Variants in PRIM2 observed in about 807,000 individuals in gnomAD.
PRIM2 encodes DNA primase large subunit.
In PRIM2, 39 loss-of-function variants were observed where a neutral mutation model predicts 67.3. The observed-to-expected ratio is 0.58, with a 90% confidence interval of 0.45 to 0.76. PRIM2 has a LOEUF of 0.76. Ranked by LOEUF, PRIM2 falls within the 30% of genes least tolerant of loss-of-function variation. The pLI is 0.00. For missense variants in PRIM2, 398 were observed against 598.7 expected, an observed-to-expected ratio of 0.66 and a Z score of 3.50; for synonymous variants, 143 against 198.7, an observed-to-expected ratio of 0.72 and a Z score of 2.36.
chr6:57,337,853 A>T (rs554692512), intron 5 of PRIM2, among the ~76,000 whole-genome samples: 2 of 152,346 alleles, frequency 1.3e-5, no homozygotes, highest in South Asian at 2.1e-4. Flanking sequence ...GAAATAACTA[A>T]CATCAGAGCA....
the PRIM2 span, among the ~76,000 whole-genome samples, chr6:57,277,638 A>C: frequency 6.6e-6 from 1 of 152,050 alleles, no homozygotes. Context: ...AGTTGATTTC[A>C]GAGAACCACG....
chr6:57,509,725 A>G (rs1201747951), intron 8 of PRIM2, among the ~76,000 whole-genome samples: 2 of 151,634 alleles, frequency 1.3e-5, no homozygotes, highest in African/African-American at 2.4e-5. Context: ...CGGCCTTACA[A>G]ATATTTTTCC....
At chr6:57,525,637 G>A (rs1774734636) in intron 8 of PRIM2, among the ~76,000 whole-genome samples, 1 of 152,178 alleles carries the variant, frequency 6.6e-6, no homozygotes, top group South Asian at 2.1e-4. Context: ...CTAGGATCCT[G>A]TAGTCTGTGT....
the PRIM2 span, among the ~76,000 whole-genome samples, chr6:57,276,996 G>C: frequency 6.6e-6 from 1 of 151,950 alleles, no homozygotes; most frequent in South Asian, 2.1e-4. Context: ...AGGAGGAAGA[G>C]GAAGAGGAGA....
chr6:57,555,308 C>T (rs1394138868), intron 10 of PRIM2, among the ~76,000 whole-genome samples: 29 of 152,040 alleles, frequency 1.9e-4, no homozygotes, highest in Non-Finnish European at 3.7e-4. Flanking sequence ...GAGACAGAGT[C>T]TTGCTCTGTC....
chr6:57,474,275 A>G (rs1437840694), intron 7 of PRIM2, among the ~76,000 whole-genome samples: 2 of 116,116 alleles, frequency 1.7e-5, no homozygotes, highest in Non-Finnish European at 3.2e-5. Context: ...CCCGGGGTTC[A>G]TGCCATTCTC....
chr6:57,271,702 T>C, the PRIM2 span, among the ~76,000 whole-genome samples: 1 of 152,214 alleles, frequency 6.6e-6, no homozygotes, highest in East Asian at 1.9e-4. Context: ...CTTCTCTAGT[T>C]CTTTTAATTG....
intron 7 of PRIM2, among the ~76,000 whole-genome samples, chr6:57,459,836 A>G (rs1415133668): frequency 6.6e-6 from 1 of 152,144 alleles, no homozygotes; most frequent in African/African-American, 2.4e-5. Context: ...AATCATCTCT[A>G]CAAAACCTTC....
At chr6:57,498,786 C>T (rs1774064874) in intron 7 of PRIM2, among the ~76,000 whole-genome samples, 1 of 152,132 alleles carries the variant, frequency 6.6e-6, no homozygotes, top group South Asian at 2.1e-4. Context: ...TGAAGCCACC[C>T]TCTTGTTCTT....
chr6:57,248,432 A>C, the PRIM2 span, among the ~76,000 whole-genome samples: 1 of 152,216 alleles, frequency 6.6e-6, no homozygotes, highest in Admixed American at 6.5e-5. Flanking sequence ...TGTTTCGAAC[A>C]AATAATTGAA....
chr6:57,250,511 G>A, the PRIM2 span, among the ~76,000 whole-genome samples: 2 of 152,212 alleles, frequency 1.3e-5, no homozygotes, highest in Admixed American at 6.5e-5. Context: ...AAGAAAAATC[G>A]GGGGGTATGA....
intron 5 of PRIM2, among the ~76,000 whole-genome samples, chr6:57,356,954 C>G (rs72870479): frequency 3.4e-5 from 4 of 119,182 alleles, no homozygotes; most frequent in Admixed American, 1.0e-4. Context: ...TTTTTTTTGA[C>G]ACGGAGTCTT....
chr6:57,298,141 C>T, the PRIM2 span, among the ~76,000 whole-genome samples: 2 of 152,096 alleles, frequency 1.3e-5, no homozygotes, highest in African/African-American at 4.8e-5. Flanking sequence ...GTGGGCAGAT[C>T]AAGAGGTCAG....
chr6:57,304,132 G>C, the PRIM2 span, among the ~76,000 whole-genome samples: 8 of 152,148 alleles, frequency 5.3e-5, no homozygotes, highest in Non-Finnish European at 1.5e-5. Context: ...GGTCACATGA[G>C]AGGCTGGCAT....
chr6:57,567,428 G>A (rs1223404386), intron 10 of PRIM2, among the ~76,000 whole-genome samples: 151 of 152,234 alleles, frequency 9.9e-4, no homozygotes, highest in Admixed American at 1.7e-3. Context: ...AGTGTTCTGA[G>A]CATGTTTAAA....
the PRIM2 span, among the ~76,000 whole-genome samples, chr6:57,283,829 G>T: frequency 6.6e-6 from 1 of 151,830 alleles, no homozygotes; most frequent in Non-Finnish European, 1.5e-5. Flanking sequence ...TAAATTATAG[G>T]TAATATATTC....
At chr6:57,436,615 G>T (rs933834180) in intron 7 of PRIM2, among the ~76,000 whole-genome samples, 6 of 152,148 alleles carry the variant, frequency 3.9e-5, no homozygotes, top group African/African-American at 1.4e-4. Flanking sequence ...TGTGCATTAG[G>T]CTGGAATGTT....
intron 7 of PRIM2, among the ~76,000 whole-genome samples, chr6:57,405,830 A>G (rs1175891205): frequency 1.2e-4 from 18 of 151,376 alleles, no homozygotes; most frequent in Non-Finnish European, 1.9e-4. Flanking sequence ...TTGAGAACAT[A>G]TATGAGAAAT....
upstream of PRIM2, among the ~76,000 whole-genome samples, chr6:57,311,574 A>T (rs2127262417): frequency 6.6e-6 from 1 of 151,848 alleles, no homozygotes; most frequent in African/African-American, 2.4e-5. Flanking sequence ...GGCTCCTTAC[A>T]TCCCAGACGA....
Sources: gnomAD v4.1 joint callset for allele counts (sites outside exome capture counted in the v4.1 genomes callset) on GRCh38, gnomAD v4.1.1 for gene constraint, MANE v1.5 for transcripts, NCBI Gene and HGNC (gene_info 2026-07-23, HGNC 2026-07-21) for gene names.